The following CDH4 variants were observed in gnomAD, a reference collection of about 807,000 sequenced individuals.
CDH4 encodes cadherin-4.
A neutral mutation model predicts 86.0 loss-of-function variants in CDH4; 33 were observed. The observed-to-expected ratio is 0.38, with a 90% confidence interval of 0.29 to 0.51. The LOEUF (loss-of-function observed/expected upper bound fraction) is 0.51, where lower values mean the gene tolerates loss of function less well. Among genes scored for constraint, CDH4 ranks in the 20% least tolerant of loss-of-function variants. The pLI, the probability that CDH4 is intolerant of heterozygous loss-of-function variation, is 0.86. For missense variants in CDH4, 1,114 were observed against 1,307.4 expected, an observed-to-expected ratio of 0.85 and a Z score of 2.28; for synonymous variants, 555 against 549.4, an observed-to-expected ratio of 1.01 and a Z score of -0.14.
intron 4 of CDH4, among the ~76,000 whole-genome samples, chr20:61,840,513 T>C (rs1184156155): frequency 2.0e-5 from 3 of 152,214 alleles, no homozygotes; most frequent in Non-Finnish European, 2.9e-5. Flanking sequence ...GTGAACACTA[T>C]CGCGGAGTCC....
chr20:61,268,271 G>A (rs1449342644), intron 2 of CDH4, among the ~76,000 whole-genome samples: 4 of 152,184 alleles, frequency 2.6e-5, no homozygotes, highest in East Asian at 1.9e-4. Context: ...GCTCCAGGCC[G>A]AGGAGAGGAG....
chr20:61,619,595 G>A (rs1427266577), intron 2 of CDH4, among the ~76,000 whole-genome samples: 1 of 152,200 alleles, frequency 6.6e-6, no homozygotes, highest in Non-Finnish European at 1.5e-5. Context: ...ACAGAGCGAT[G>A]TCTGCTCAAG....
Position 61,623,513 on chromosome 20 carries a change from A to G in CDH4, c.170-120050A>G, listed in dbSNP as rs908989182. 7.9e-5 allele frequency among the ~76,000 whole-genome samples: 12 copies of G among 152,242 alleles called. No individual in the cohort carries two copies. The highest frequency in any genetic ancestry group is 2.4e-4 in the African/African-American group (10 of 41,456). On this transcript the variant is annotated intron_variant, in intron 2 of 15. Transcript: ENST00000614565. The surrounding 1 kb of genome is among the most constrained non-coding windows in gnomAD (Gnocchi z 4.4). ...GAAAACAATTTCAAGAGCAAATTGA[A>G]TACCTAAAAAAGTATAATTAATCAA...
intron 3 of CDH4, among the ~76,000 whole-genome samples, chr20:61,765,114 C>A (rs2088683220): frequency 6.6e-6 from 1 of 152,164 alleles, no homozygotes; most frequent in African/African-American, 2.4e-5. Context: ...CATCTGCCCC[C>A]TGAGGAAATG....
At chr20:61,666,836 T>G (rs770162422) in intron 2 of CDH4, among the ~76,000 whole-genome samples, 1 of 152,204 alleles carries the variant, frequency 6.6e-6, no homozygotes, top group Non-Finnish European at 1.5e-5. Flanking sequence ...GAAAGAGGCA[T>G]GAATCCGAAG....
chr20:61,770,889 A>AAAG (rs528455199), intron 3 of CDH4, among the ~76,000 whole-genome samples: 1,708 of 152,060 alleles, frequency 0.011, 38 homozygotes, highest in Non-Finnish European at 0.017. Flanking sequence ...TCTCAAAAAA[A>AAAG]AAAAAAACAC....
rs868032306 is a variant in CDH4 at position 61,920,168 on chromosome 20, G to A, written c.1375-3283G>A. Among the ~76,000 whole-genome samples, 163 of 122,108 alleles carry A rather than the reference G, an allele frequency of 1.3e-3. 2 individuals carry two copies. The Middle Eastern group carries it at 0.022, about 16-fold the overall frequency. 80.1% of individuals were successfully genotyped at this position (122,108 alleles called of 152,430 possible). A position where few individuals can be genotyped will look rare whatever the true frequency, so the allele number is the denominator to read the frequency against. ...TTTTGTGATTGCATGGAAGCATGGC[G>A]TCACAGTGACTGCGTGGAAGCGTGG... On this transcript the variant is annotated intron_variant, in intron 9 of 15. Transcript: ENST00000614565.
Position 61,353,307 on chromosome 20 carries a change from G to A in CDH4, c.169+98370G>A, listed in dbSNP as rs532027864. Among the ~76,000 whole-genome samples, 338 of 152,176 alleles carry A rather than the reference G, an allele frequency of 2.2e-3. 2 individuals carry two copies. Among genetic ancestry groups the A allele is most frequent in the African/African-American group, 7.8e-3 (325 of 41,518 alleles). Reference sequence around the variant, plus strand: ...GGGTCTCTGGAACCATGGGGCAGCCGCGTGTCCCTGAAGCAGCCTGTATCT... The same window carrying A: ...GGGTCTCTGGAACCATGGGGCAGCCACGTGTCCCTGAAGCAGCCTGTATCT... On this transcript the variant is annotated intron_variant, in intron 2 of 15. Transcript: ENST00000614565.
intron 2 of CDH4, among the ~76,000 whole-genome samples, chr20:61,442,328 C>A (rs1378546975): frequency 6.6e-6 from 1 of 152,184 alleles, no homozygotes; most frequent in Non-Finnish European, 1.5e-5. Flanking sequence ...GCAGACCCTC[C>A]GAATACTCCA....
At chr20:61,276,255 G>T (rs192839632) in intron 2 of CDH4, among the ~76,000 whole-genome samples, 10 of 152,218 alleles carry the variant, frequency 6.6e-5, no homozygotes, top group Admixed American at 5.2e-4. Flanking sequence ...TCTCATTTCT[G>T]TTTGAACTCT....
chr20:61,839,871 G>A (rs1311730217), intron 4 of CDH4, among the ~76,000 whole-genome samples: 1 of 151,398 alleles, frequency 6.6e-6, no homozygotes, highest in African/African-American at 2.4e-5. Flanking sequence ...TGTGTATTGT[G>A]TGCTTGTGTG....
intron 2 of CDH4, among the ~76,000 whole-genome samples, chr20:61,560,929 G>T (rs375774121): frequency 6.6e-6 from 1 of 152,340 alleles, no homozygotes; most frequent in South Asian, 2.1e-4. Flanking sequence ...GACGGGCCGG[G>T]GTCACCGCTG....
At chr20:61,492,710 G>A (rs145471499) in intron 2 of CDH4, among the ~76,000 whole-genome samples, 3 of 152,272 alleles carry the variant, frequency 2.0e-5, no homozygotes, top group South Asian at 4.2e-4. Context: ...TGGGGTGGGG[G>A]CCAGGCATAT....
chr20:61,303,461 AT>A (rs5842345), intron 2 of CDH4, among the ~76,000 whole-genome samples: 115,549 of 152,084 alleles, frequency 0.76, 44,166 homozygotes, highest in South Asian at 0.84. Flanking sequence ...TGCTCTTGCC[AT>A]TTTTTTCCAG....
At chr20:61,590,988 C>A (rs1568701106) in intron 2 of CDH4, among the ~76,000 whole-genome samples, 1 of 135,920 alleles carries the variant, frequency 7.4e-6, no homozygotes, top group African/African-American at 3.2e-5. Context: ...CCAGATGGCA[C>A]CCTCAGAGGC....
intron 2 of CDH4, among the ~76,000 whole-genome samples, chr20:61,324,340 G>T (rs1337255282): frequency 6.6e-6 from 1 of 152,054 alleles, no homozygotes; most frequent in South Asian, 2.1e-4. Flanking sequence ...AACTGGGGGG[G>T]CTTAAAACAA....
intron 2 of CDH4, among the ~76,000 whole-genome samples, chr20:61,389,628 G>A (rs1002399539): frequency 2.0e-5 from 3 of 152,158 alleles, no homozygotes; most frequent in Admixed American, 2.0e-4. Flanking sequence ...TCTATAGATC[G>A]ACGCTTCTCA....
intron 9 of CDH4, among the ~76,000 whole-genome samples, chr20:61,917,664 C>T (rs572119660): frequency 9.2e-5 from 14 of 152,378 alleles, no homozygotes; most frequent in Admixed American, 7.8e-4. Context: ...CTCCGCCCAG[C>T]CGGTGCTGGA....
chr20:61,337,492 CAAT>C (rs1206688081), intron 2 of CDH4, among the ~76,000 whole-genome samples: 1 of 151,634 alleles, frequency 6.6e-6, no homozygotes, highest in African/African-American at 2.4e-5. Context: ...TTGACAATGA[CAAT>C]GATAAAAACG....
Sources: gnomAD v4.1 joint callset for allele counts (sites outside exome capture counted in the v4.1 genomes callset) on GRCh38, gnomAD v4.1.1 for gene constraint, Gnocchi (gnomAD v3.1) non-coding constraint, MANE v1.5 for transcripts, NCBI Gene and HGNC (gene_info 2026-07-23, HGNC 2026-07-21) for gene names.